ADCY8: variants seen among roughly 807,000 people sequenced by gnomAD.
ADCY8 encodes the protein adenylate cyclase 8.
A neutral mutation model predicts 119.7 loss-of-function variants in ADCY8; 51 were observed. That is an observed-to-expected ratio of 0.43 (90% CI 0.34 to 0.54). The LOEUF is 0.54. ADCY8 is among the 20% of genes least tolerant of loss of function. The probability of loss-of-function intolerance (pLI) is 0.03; values close to 1 mark genes in which losing one functional copy is unlikely to be tolerated. For synonymous variants in ADCY8, 665 were observed against 651.0 expected (o/e 1.02, Z -0.33); for missense variants, 1,383 against 1,598.8 (o/e 0.87, Z 2.30).
intron 1 of ADCY8, among the ~76,000 whole-genome samples, chr8:131,019,865 C>G (rs1168206785): frequency 6.6e-6 from 1 of 150,976 alleles, no homozygotes; most frequent in African/African-American, 2.5e-5. Flanking sequence ...CTCTCTCTCT[C>G]TCTCTCAATA....
intron 4 of ADCY8, among the ~76,000 whole-genome samples, chr8:130,941,139 G>T (rs149099652): frequency 6.6e-6 from 1 of 152,188 alleles, no homozygotes; most frequent in South Asian, 2.1e-4. Context: ...TTGTAATCAC[G>T]TAAGTAGTAC....
At chr8:130,912,213 G>A (rs1820002422) in intron 5 of ADCY8, among the ~76,000 whole-genome samples, 1 of 152,156 alleles carries the variant, frequency 6.6e-6, no homozygotes, top group Admixed American at 6.5e-5. Context: ...TTAGGGTGCT[G>A]TGTTATAATA....
At chr8:131,033,171 C>T (rs1824047335) in intron 1 of ADCY8, among the ~76,000 whole-genome samples, 1 of 152,106 alleles carries the variant, frequency 6.6e-6, no homozygotes, top group African/African-American at 2.4e-5. Context: ...GCAAGTGTCT[C>T]CTATGTTTTG....
chr8:130,820,937 C>T (rs1816490201), intron 13 of ADCY8, among the ~76,000 whole-genome samples: 1 of 152,068 alleles, frequency 6.6e-6, no homozygotes, highest in African/African-American at 2.4e-5. Flanking sequence ...AGTAACTTGC[C>T]CAAAATCATA....
At chr8:130,886,944 G>C (rs78710607) in intron 7 of ADCY8, among the ~76,000 whole-genome samples, 1 of 151,332 alleles carries the variant, frequency 6.6e-6, no homozygotes, top group East Asian at 2.0e-4. Context: ...AGCAACCACA[G>C]CTCTTTAATA....
rs780981857 is a variant in ADCY8 at position 130,909,827 on chromosome 8, C to T, written c.1521G>A (p.Arg507=). Residue 507 remains arginine, a synonymous_variant, in exon 6 of 18, where the codon AGG becomes AGA. Coordinates refer to ENST00000286355, the MANE Select transcript of ADCY8 (RefSeq NM_001115.3). ...GCACCGAGCCGGAGTGGATTCCAAT[C>T]CTCATGTCAACATCGTGTTTTGTCC... is the stretch of plus-strand genomic sequence containing the variant. ...RSRTKHDVDM[R]IGIHSGSVLC... The T allele has an allele frequency of 7.4e-6, 12 of 1,614,198 alleles. No individual in the cohort carries two copies. Among genetic ancestry groups the T allele is most frequent in the Non-Finnish European group, 1.0e-5 (12 of 1,180,030 alleles).
At chr8:130,997,483 T>G (rs916231201) in intron 1 of ADCY8, among the ~76,000 whole-genome samples, 1 of 152,134 alleles carries the variant, frequency 6.6e-6, no homozygotes. Flanking sequence ...CCAAAAGAGA[T>G]GACTGAGAGT....
intron 5 of ADCY8, among the ~76,000 whole-genome samples, chr8:130,934,887 A>G (rs1263977424): frequency 6.6e-6 from 1 of 152,198 alleles, no homozygotes; most frequent in Non-Finnish European, 1.5e-5. Flanking sequence ...GAAAAGTACC[A>G]TAAATTCTCA....
At chr8:131,011,430 A>G (rs1474332028) in intron 1 of ADCY8, among the ~76,000 whole-genome samples, 2 of 152,128 alleles carry the variant, frequency 1.3e-5, no homozygotes, top group Non-Finnish European at 2.9e-5. Flanking sequence ...TGGGACCTGA[A>G]AGAATCAAGT....
chr8:130,933,442 T>C (rs1820694181), intron 5 of ADCY8, among the ~76,000 whole-genome samples: 1 of 152,060 alleles, frequency 6.6e-6, no homozygotes, highest in Admixed American at 6.6e-5. Flanking sequence ...TTCCTCAGAG[T>C]GAAATATTTG....
chr8:130,870,575 A>G (rs116498870), intron 8 of ADCY8, among the ~76,000 whole-genome samples: 2,035 of 152,124 alleles, frequency 0.013, 54 homozygotes, highest in African/African-American at 0.046. Flanking sequence ...CAAGTTGAAC[A>G]CTCAGATCCT....
At chr8:131,032,126 T>C (rs1037856872) in intron 1 of ADCY8, among the ~76,000 whole-genome samples, 2 of 152,218 alleles carry the variant, frequency 1.3e-5, no homozygotes, top group East Asian at 3.8e-4. Context: ...ATTTTTACAC[T>C]GGCACTGTAG....
intron 5 of ADCY8, among the ~76,000 whole-genome samples, chr8:130,934,276 G>A (rs777516027): frequency 4.6e-5 from 7 of 152,194 alleles, no homozygotes; most frequent in Non-Finnish European, 8.8e-5. Context: ...TCCACGGGCT[G>A]TACAGGAAGC....
intron 4 of ADCY8, among the ~76,000 whole-genome samples, chr8:130,938,436 G>T (rs943373572): frequency 6.6e-6 from 1 of 152,118 alleles, no homozygotes; most frequent in Non-Finnish European, 1.5e-5. Flanking sequence ...GCAGCTTGTT[G>T]GGGCTGAATG....
intron 1 of ADCY8, among the ~76,000 whole-genome samples, chr8:131,015,153 C>A (rs758487621): frequency 6.6e-6 from 1 of 152,126 alleles, no homozygotes; most frequent in Non-Finnish European, 1.5e-5. Context: ...AGAGCAGGAA[C>A]AACTCTAGGC....
intron 7 of ADCY8, among the ~76,000 whole-genome samples, chr8:130,894,303 TC>T (rs1280311046): frequency 1.3e-5 from 2 of 152,168 alleles, no homozygotes; most frequent in African/African-American, 4.8e-5. Flanking sequence ...ACCCTAACTT[TC>T]CCAACACACA....
At chr8:130,910,939 C>T (rs1000828150) in intron 5 of ADCY8, among the ~76,000 whole-genome samples, 4 of 95,824 alleles carry the variant, frequency 4.2e-5, no homozygotes, top group African/African-American at 1.1e-4. Context: ...GAAAAACCTT[C>T]ATTGCCCCCA....
intron 17 of ADCY8, among the ~76,000 whole-genome samples, chr8:130,783,479 A>G (rs1161560312): frequency 6.6e-6 from 1 of 152,210 alleles, no homozygotes; most frequent in African/African-American, 2.4e-5. Context: ...TTCTGCACAC[A>G]AGCCAGTATC....
intron 8 of ADCY8, among the ~76,000 whole-genome samples, chr8:130,877,827 C>T (rs1232355211): frequency 1.3e-5 from 2 of 152,040 alleles, no homozygotes; most frequent in Non-Finnish European, 2.9e-5. Flanking sequence ...TCCAGTGATC[C>T]TGGGAGATTG....
Sources: gnomAD v4.1 joint callset for allele counts (sites outside exome capture counted in the v4.1 genomes callset) on GRCh38, gnomAD v4.1.1 for gene constraint, MANE v1.5 for transcripts, NCBI Gene and HGNC (gene_info 2026-07-23, HGNC 2026-07-21) for gene names.